PIK3CA: variants seen among roughly 807,000 people sequenced by gnomAD.
PIK3CA encodes phosphatidylinositol 4,5-bisphosphate 3-kinase catalytic subunit alpha isoform.
In PIK3CA, 27 loss-of-function variants were observed where a neutral mutation model predicts 138.2. That is an observed-to-expected ratio of 0.20 (90% CI 0.14 to 0.27). The LOEUF is 0.27. PIK3CA is among the 10% of genes least tolerant of loss of function. The pLI, the probability that PIK3CA is intolerant of heterozygous loss-of-function variation, is 1.00. For synonymous variants in PIK3CA, 358 were observed against 413.2 expected (o/e 0.87, Z 1.62); for missense variants, 544 against 1,277.4 (o/e 0.43, Z 8.75).
In PIK3CA at chr3:179,239,023, A is replaced by G. The variant is rs560820946; in HGVS notation, c.*4659A>G. 3 of 217,132 alleles carry G rather than the reference A, an allele frequency of 1.4e-5. No individual in the cohort carries two copies. The highest frequency in any genetic ancestry group is 2.2e-5 in the African/African-American group (1 of 44,446). The allele number at this position is 217,132 out of a possible 1,614,324, so 13.5% of individuals were successfully genotyped here. A position where few individuals can be genotyped will look rare whatever the true frequency, so the allele number is the denominator to read the frequency against. ...ATATTCCAGCCTTGCTAGTTAGCAT[A>G]AAGTGACAGGTGTGAGCCATGAGGA... On this transcript the variant is annotated 3_prime_UTR_variant, in exon 21 of 21. Transcript: ENST00000263967.
chr3:179,202,262 CAG>C (rs1481122928), intron 4 of PIK3CA, among the ~76,000 whole-genome samples: 91 of 152,156 alleles, frequency 6.0e-4, no homozygotes, highest in South Asian at 2.1e-4. Flanking sequence ...TGTTTAGAGA[CAG>C]AGTCTCATAT....
At chr3:179,212,631 G>C (rs1473968766) in intron 9 of PIK3CA, among the ~76,000 whole-genome samples, 1 of 151,572 alleles carries the variant, frequency 6.6e-6, no homozygotes, top group African/African-American at 2.4e-5. Context: ...GAGAGAGATG[G>C]GGTCTCACTG....
At chr3:179,170,411 A>T (rs1209824628) in intron 1 of PIK3CA, among the ~76,000 whole-genome samples, 4 of 152,240 alleles carry the variant, frequency 2.6e-5, no homozygotes, top group African/African-American at 9.6e-5. Context: ...ATTGGAGGGG[A>T]TATAGAAATA....
At chr3:179,170,068 G>A (rs545155313) in intron 1 of PIK3CA, among the ~76,000 whole-genome samples, 545 of 48,742 alleles carry the variant, frequency 0.011, 3 homozygotes, top group African/African-American at 0.042. Flanking sequence ...GCGTGCACAC[G>A]CGCGCGCGCA....
chr3:179,163,365 C>T (rs1723333395), intron 1 of PIK3CA, among the ~76,000 whole-genome samples: 1 of 152,086 alleles, frequency 6.6e-6, no homozygotes, highest in African/African-American at 2.4e-5. Flanking sequence ...GTTCGACTCT[C>T]AAATAAGATT....
chr3:179,157,599 A>G lies in PIK3CA; in HGVS notation c.-77+8996A>G, dbSNP rs546812316. On this transcript the variant is annotated intron_variant, in intron 1 of 20. Transcript: ENST00000263967. ...TTTTTTGTTTGTTTGTTTGGTATAA[A>G]TATCAGACATATATGTTTGTTTACT... Among the ~76,000 whole-genome samples, 18 of 152,208 alleles carry G rather than the reference A, an allele frequency of 1.2e-4. No individual in the cohort carries two copies. The East Asian group carries it at 3.1e-3, about 26-fold the overall frequency.
At chr3:179,176,176 G>C (rs1723692882) in intron 1 of PIK3CA, among the ~76,000 whole-genome samples, 1 of 152,090 alleles carries the variant, frequency 6.6e-6, no homozygotes, top group South Asian at 2.1e-4. Flanking sequence ...ATCTACTTCT[G>C]TATCTATTGA....
At chr3:179,225,284 A>T (rs899194516) in intron 16 of PIK3CA, among the ~76,000 whole-genome samples, 3 of 152,128 alleles carry the variant, frequency 2.0e-5, no homozygotes, top group African/African-American at 7.2e-5. Context: ...GAAAAGAGGG[A>T]CATTAAATGA....
At chr3:179,185,976 G>A (rs1723971937) in intron 1 of PIK3CA, among the ~76,000 whole-genome samples, 1 of 152,188 alleles carries the variant, frequency 6.6e-6, no homozygotes, top group Non-Finnish European at 1.5e-5. Context: ...TTAACCTTCA[G>A]CCCCTCTCTC....
chr3:179,185,022 A>C (rs1723941049), intron 1 of PIK3CA, among the ~76,000 whole-genome samples: 1 of 152,174 alleles, frequency 6.6e-6, no homozygotes, highest in African/African-American at 2.4e-5. Context: ...CTAGCCGTTG[A>C]TTTTTGATGA....
chr3:179,227,987 C>T (rs749521593), intron 17 of PIK3CA, among the ~76,000 whole-genome samples: 20 of 149,472 alleles, frequency 1.3e-4, no homozygotes, highest in Non-Finnish European at 2.1e-4. Context: ...TTATGGAACA[C>T]GATTTTTACT....
intron 6 of PIK3CA, 47 bp downstream of exon 6, chr3:179,204,635 T>C (rs759300220): frequency 2.1e-6 from 2 of 932,204 alleles, no homozygotes; most frequent in Admixed American, 1.8e-5. Context: ...TATTAGTGTT[T>C]AGCAGTATGA....
chr3:179,199,161 C>A lies in PIK3CA; in HGVS notation c.336C>A (p.Ile112=), dbSNP rs1576932055. ...IEPVGNREEK[I]LNREIGFAIG... is the part of the protein sequence containing the mutation. ...CAGTAGGCAACCGTGAAGAAAAGAT[C>A]CTCAATCGAGAAATTGGTATGATAC... Residue 112 remains isoleucine, a synonymous_variant, in exon 2 of 21, where the codon ATC becomes ATA. Transcript: ENST00000263967. 1 of 1,575,984 alleles carries A rather than the reference C, an allele frequency of 6.3e-7. No individual in the cohort carries two copies. The highest frequency in any genetic ancestry group is 8.6e-7 in the Non-Finnish European group (1 of 1,166,002).
In PIK3CA at chr3:179,234,374, T is replaced by C. The variant is rs200106398; in HGVS notation, c.*10T>C. 1 of 1,593,486 alleles carries C rather than the reference T, an allele frequency of 6.3e-7. No individual in the cohort carries two copies. The highest frequency in any genetic ancestry group is 1.1e-5 in the South Asian group (1 of 88,842). ...GCATGCATTGAACTGAAAAGATAAC[T>C]GAGAAAATGAAAGCTCACTCTGGAT... On this transcript the variant is annotated 3_prime_UTR_variant, in exon 21 of 21. Transcript: ENST00000263967. The surrounding 1 kb of genome is among the most constrained non-coding windows in gnomAD (Gnocchi z 5.1).
At chr3:179,164,124 C>T (rs1723353931) in intron 1 of PIK3CA, among the ~76,000 whole-genome samples, 1 of 151,834 alleles carries the variant, frequency 6.6e-6, no homozygotes, top group South Asian at 2.1e-4. Context: ...AAAAAAGATA[C>T]AAAATTATGT....
Position 179,173,284 on chromosome 3 carries a change from C to T in PIK3CA, c.-77+24681C>T, listed in dbSNP as rs564256193. Among the ~76,000 whole-genome samples the T allele has an allele frequency of 5.0e-3, 758 of 151,424 alleles. 4 individuals carry two copies. Among genetic ancestry groups the T allele is most frequent in the Non-Finnish European group, 8.9e-3 (605 of 67,854 alleles). ...CTTTTCAAAAAAAAGAAAGGCCGGG[C>T]GCGGTAGCTCACGCCTGTAATCCCA... On this transcript the variant is annotated intron_variant, in intron 1 of 20. Transcript: ENST00000263967.
rs564059072 is a variant in PIK3CA at position 179,237,641 on chromosome 3, G to A, written c.*3277G>A. The A allele has an allele frequency of 4.0e-4, 83 of 207,248 alleles. 6 individuals carry two copies. Among genetic ancestry groups the A allele is most frequent in the East Asian group, 7.3e-5 (1 of 13,702 alleles). The allele number at this position is 207,248 out of a possible 1,614,324, so 12.8% of individuals were successfully genotyped here. On this transcript the variant is annotated 3_prime_UTR_variant, in exon 21 of 21. Coordinates refer to ENST00000263967, the MANE Select transcript of PIK3CA (RefSeq NM_006218.4). ...TGTATTCTTTTTTCCATCAAAAATC[G>A]AGTGATTTGGAATTATAAAAAAATT...
At chr3:179,232,414 G>C (rs1053138489) in intron 20 of PIK3CA, among the ~76,000 whole-genome samples, 1 of 152,080 alleles carries the variant, frequency 6.6e-6, no homozygotes, top group African/African-American at 2.4e-5. Context: ...TCAGTTCGTT[G>C]TAAGTTTTTG....
At chr3:179,185,142 A>G (rs1437560452) in intron 1 of PIK3CA, among the ~76,000 whole-genome samples, 1 of 152,216 alleles carries the variant, frequency 6.6e-6, no homozygotes, top group Non-Finnish European at 1.5e-5. Context: ...TCAGAGCCAC[A>G]GAAAGGCCTA....
Sources: gnomAD v4.1 joint callset for allele counts (sites outside exome capture counted in the v4.1 genomes callset) on GRCh38, gnomAD v4.1.1 for gene constraint, Gnocchi (gnomAD v3.1) non-coding constraint, MANE v1.5 for transcripts, NCBI Gene and HGNC (gene_info 2026-07-23, HGNC 2026-07-21) for gene names.